The following NTNG1 variants were observed in gnomAD, a reference collection of about 807,000 sequenced individuals.
NTNG1 encodes netrin G1.
A neutral mutation model predicts 54.0 loss-of-function variants in NTNG1; 16 were observed. The observed-to-expected ratio is 0.30, with a 90% CI of 0.20 to 0.45. The LOEUF (loss-of-function observed/expected upper bound fraction) is 0.45, where lower values mean the gene tolerates loss of function less well. Among genes scored for constraint, NTNG1 ranks in the 20% least tolerant of loss-of-function variants. The probability of loss-of-function intolerance (pLI) is 1.00; values close to 1 mark genes in which losing one functional copy is unlikely to be tolerated. For synonymous variants in NTNG1, 255 were observed against 263.1 expected (o/e 0.97, Z 0.30); for missense variants, 530 against 678.7 (o/e 0.78, Z 2.43).
At chr1:107,389,299 T>C (rs1672215617) in intron 3 of NTNG1, among the ~76,000 whole-genome samples, 1 of 152,176 alleles carries the variant, frequency 6.6e-6, no homozygotes, top group Non-Finnish European at 1.5e-5. Flanking sequence ...CAAAGGGACA[T>C]TTTTTTAATT....
rs753896110 is a variant in NTNG1 at position 107,407,726 on chromosome 1, CAAAA to C, written c.1087+23_1087+26del. On this transcript the variant is annotated intron_variant, in intron 5 of 7. Coordinates refer to ENST00000370068, the MANE Select transcript of NTNG1 (RefSeq NM_001113226.3). ...TATTGGTAGTAAGTAAAAACAAAAA[CAAAA>C]AAAACACCAAACCAAGTCTAGGCTA... The C allele has an allele frequency of 1.3e-6, 2 of 1,598,832 alleles. No homozygotes were observed. The highest frequency in any genetic ancestry group is 1.7e-6 in the Non-Finnish European group (2 of 1,168,132).
intron 7 of NTNG1, 43 bp from the exon 8 acceptor site, chr1:107,480,568 C>CT: frequency 3.2e-6 from 2 of 622,930 alleles, no homozygotes; most frequent in Middle Eastern, 4.6e-4. Flanking sequence ...TCTGCTTCTC[C>CT]TCCCCGCGCC....
At chr1:107,326,997 C>A (rs1667994603) in intron 3 of NTNG1, among the ~76,000 whole-genome samples, 2 of 152,158 alleles carry the variant, frequency 1.3e-5, no homozygotes, top group African/African-American at 2.4e-5. Flanking sequence ...CCAGACTAGT[C>A]ATTTCCTCCA....
At chr1:107,228,010 A>G (rs1660802630) in intron 2 of NTNG1, among the ~76,000 whole-genome samples, 1 of 152,180 alleles carries the variant, frequency 6.6e-6, no homozygotes, top group Admixed American at 6.6e-5. Context: ...ACCTATTTGT[A>G]TGACTTCTAG....
chr1:107,427,298 G>A (rs1248434590), intron 5 of NTNG1, among the ~76,000 whole-genome samples: 2 of 152,038 alleles, frequency 1.3e-5, no homozygotes, highest in Non-Finnish European at 2.9e-5. Context: ...GTATATAAAA[G>A]GAAGTGATTA....
intron 5 of NTNG1, among the ~76,000 whole-genome samples, chr1:107,419,255 T>G (rs1674426819): frequency 6.6e-6 from 1 of 151,478 alleles, no homozygotes; most frequent in Non-Finnish European, 1.5e-5. Flanking sequence ...TCTCTCTCTC[T>G]CTCTGTCTTT....
chr1:107,347,181 C>T (rs935015085), intron 3 of NTNG1, among the ~76,000 whole-genome samples: 2 of 152,096 alleles, frequency 1.3e-5, no homozygotes, highest in African/African-American at 4.8e-5. Context: ...GATGACTTCT[C>T]TCTGAGCAAT....
intron 2 of NTNG1, among the ~76,000 whole-genome samples, chr1:107,177,329 G>T (rs1656716636): frequency 2.0e-5 from 3 of 151,786 alleles, no homozygotes; most frequent in South Asian, 2.1e-4. Flanking sequence ...TCATGTCTAA[G>T]AAGCAACTTT....
At chr1:107,478,644 A>G (rs1678491746) in intron 7 of NTNG1, among the ~76,000 whole-genome samples, 2 of 152,216 alleles carry the variant, frequency 1.3e-5, no homozygotes, top group South Asian at 4.1e-4. Flanking sequence ...CCCTACCTCT[A>G]GTGCCCAAAT....
chr1:107,235,170 G>A (rs751435941), intron 2 of NTNG1, among the ~76,000 whole-genome samples: 2 of 152,022 alleles, frequency 1.3e-5, no homozygotes, highest in Non-Finnish European at 2.9e-5. Flanking sequence ...GATTTCAAAG[G>A]GCATGCTCTA....
At chr1:107,363,557 C>T (rs1281692767) in intron 3 of NTNG1, among the ~76,000 whole-genome samples, 1 of 151,962 alleles carries the variant, frequency 6.6e-6, no homozygotes, top group Admixed American at 6.6e-5. Context: ...TATTATTTCC[C>T]CCAATAAAAA....
intron 3 of NTNG1, among the ~76,000 whole-genome samples, chr1:107,352,970 T>A (rs1238479694): frequency 6.6e-6 from 1 of 152,212 alleles, no homozygotes; most frequent in East Asian, 1.9e-4. Context: ...GGTGGGGCAC[T>A]GGGCCTGGCC....
chr1:107,285,790 G>A (rs1327754848), intron 2 of NTNG1, among the ~76,000 whole-genome samples: 1 of 152,028 alleles, frequency 6.6e-6, no homozygotes, highest in Non-Finnish European at 1.5e-5. Flanking sequence ...AGAATCAATA[G>A]CCCACAAATA....
At chr1:107,374,645 A>T (rs1355685133) in intron 3 of NTNG1, among the ~76,000 whole-genome samples, 1 of 152,154 alleles carries the variant, frequency 6.6e-6, no homozygotes. Context: ...TAATAATTGT[A>T]TATAACTGTT....
intron 6 of NTNG1, among the ~76,000 whole-genome samples, chr1:107,432,141 C>A (rs1557995081): frequency 6.6e-6 from 1 of 152,150 alleles, no homozygotes; most frequent in Admixed American, 6.5e-5. Flanking sequence ...GCTCAAATTT[C>A]CGTTTGCTAG....
intron 7 of NTNG1, among the ~76,000 whole-genome samples, chr1:107,461,431 T>C (rs992872340): frequency 6.6e-6 from 1 of 151,864 alleles, no homozygotes; most frequent in East Asian, 1.9e-4. Flanking sequence ...GGCTGGAGGG[T>C]GCTGATGAGG....
chr1:107,204,111 C>G (rs1252145441), intron 2 of NTNG1, among the ~76,000 whole-genome samples: 13 of 151,786 alleles, frequency 8.6e-5, no homozygotes, highest in Admixed American at 8.5e-4. Flanking sequence ...GAAGTTGTTA[C>G]CAAGATGTTT....
At chr1:107,302,380 G>C (rs1666375428) in intron 2 of NTNG1, among the ~76,000 whole-genome samples, 2 of 152,178 alleles carry the variant, frequency 1.3e-5, no homozygotes, top group South Asian at 4.2e-4. Flanking sequence ...ATAGGACCCA[G>C]TCCCCACTTT....
At chr1:107,298,812 T>G (rs560893351) in intron 2 of NTNG1, among the ~76,000 whole-genome samples, 199 of 152,250 alleles carry the variant, frequency 1.3e-3, no homozygotes, top group African/African-American at 4.5e-3. Flanking sequence ...CATTTCAGCA[T>G]GATTGGAGAA....
Sources: gnomAD v4.1 joint callset for allele counts (sites outside exome capture counted in the v4.1 genomes callset) on GRCh38, gnomAD v4.1.1 for gene constraint, MANE v1.5 for transcripts, NCBI Gene and HGNC (gene_info 2026-07-23, HGNC 2026-07-21) for gene names.